Variants in MICU2 observed in about 807,000 individuals in gnomAD.
MICU2 encodes mitochondrial calcium uptake 2, also known as calcium uptake protein 2, mitochondrial.
A neutral mutation model predicts 60.4 loss-of-function variants in MICU2; 64 were observed. The ratio of observed to expected loss-of-function variants is 1.06; its 90% confidence interval spans 0.87 to 1.31. MICU2 has a LOEUF of 1.31. MICU2 is among the 50% of genes most tolerant of loss of function. MICU2 has a pLI of 0.00. For missense variants in MICU2, 569 were observed against 531.0 expected (o/e 1.07, Z -0.70); for synonymous variants, 201 against 175.0 (o/e 1.15, Z -1.17).
chr13:21,543,116 C>A (rs1415371318), intron 2 of MICU2, among the ~76,000 whole-genome samples: 1 of 152,142 alleles, frequency 6.6e-6, no homozygotes, highest in Non-Finnish European at 1.5e-5. Context: ...TACTCTAATA[C>A]ATGCTTTTAT....
chr13:21,497,290 G>A (rs1886024737), intron 9 of MICU2, among the ~76,000 whole-genome samples: 1 of 150,718 alleles, frequency 6.6e-6, no homozygotes. Flanking sequence ...GTTTAAACCC[G>A]TGAGGCGGAG....
At position 21,602,515 on chromosome 13, in the gene MICU2, C is replaced by A. The variant is rs1888846852; in HGVS notation, c.210+1424G>T. Among the ~76,000 whole-genome samples the A allele has an allele frequency of 3.4e-5, 5 of 146,502 alleles. No homozygotes were observed. The South Asian group carries it at 1.0e-3, about 31-fold the overall frequency. Reference sequence around the variant, plus strand: ...CCGGCCTGGGCGACAGAGCGAGACTCCTCTCAAAAAAAACAAAAACAAAAA... The same window carrying A: ...CCGGCCTGGGCGACAGAGCGAGACTACTCTCAAAAAAAACAAAAACAAAAA... On this transcript the variant is annotated intron_variant, in intron 1 of 11. Coordinates refer to ENST00000382374, the MANE Select transcript of MICU2 (RefSeq NM_152726.3).
intron 2 of MICU2, among the ~76,000 whole-genome samples, chr13:21,547,657 C>T (rs1028672254): frequency 2.6e-5 from 4 of 152,010 alleles, no homozygotes; most frequent in Non-Finnish European, 5.9e-5. Context: ...GATGTATTTA[C>T]GAGTCTATTT....
At chr13:21,603,271 G>A (rs1200040) in intron 1 of MICU2, among the ~76,000 whole-genome samples, 35,423 of 152,040 alleles carry the variant, frequency 0.23, 5,032 homozygotes, top group East Asian at 0.65. Flanking sequence ...CGCGCCCGGC[G>A]GACTCTTGTC....
In MICU2 at chr13:21,496,150, A is replaced by C. The variant is rs1048389734; in HGVS notation, c.944T>G (p.Leu315Trp). The C allele has an allele frequency of 6.2e-7, 1 of 1,612,064 alleles. No homozygotes were observed. Among genetic ancestry groups the C allele is most frequent in the Non-Finnish European group, 8.5e-7 (1 of 1,178,548 alleles). Residue 315 changes from leucine (L) to tryptophan (W), a missense_variant, in exon 10 of 12, where the codon TTG becomes TGG. By Grantham distance (61) the Leu-to-Trp change is moderately conservative. Transcript: ENST00000382374. ...EKLSAGESIS[L>W]DEFKSFCHFT... is the part of the protein sequence containing the mutation. ...ATGGCAAAATGACTTGAATTCATCCAAACTAATGCTCTAATAAAGTAAGAG... is the reference window on the plus strand; with the variant it reads ...ATGGCAAAATGACTTGAATTCATCCCAACTAATGCTCTAATAAAGTAAGAG...
At chr13:21,495,454 C>T (rs1213731518) in intron 10 of MICU2, 136 bp from the exon 11 acceptor site, 1 of 815,378 alleles carries the variant, frequency 1.2e-6, no homozygotes, top group East Asian at 2.7e-5. Context: ...AACAAAAATA[C>T]CCATGAAGAA....
chr13:21,550,475 C>G (rs1887529734), intron 2 of MICU2, among the ~76,000 whole-genome samples: 2 of 152,144 alleles, frequency 1.3e-5, no homozygotes, highest in African/African-American at 2.4e-5. Context: ...GAGGTTGAGG[C>G]TGCAGGGAGC....
Position 21,603,926 on chromosome 13 carries a change from G to A in MICU2, c.210+13C>T. The A allele has an allele frequency of 6.2e-6, 10 of 1,611,600 alleles. No individual in the cohort carries two copies. Among genetic ancestry groups the A allele is most frequent in the Non-Finnish European group, 8.5e-6 (10 of 1,179,188 alleles). Reference sequence around the variant, plus strand: ...AGCTTGACTGGGGCTAGCAGAAGGAGTTAGTCCTGTACCTGTGCGGAGACT... The same window carrying A: ...AGCTTGACTGGGGCTAGCAGAAGGAATTAGTCCTGTACCTGTGCGGAGACT... On this transcript the variant is annotated intron_variant, in intron 1 of 11. Coordinates refer to ENST00000382374, the MANE Select transcript of MICU2 (RefSeq NM_152726.3).
rs555856900 is a variant in MICU2, at chr13:21,541,010, T to C, written c.359-1322A>G. On this transcript the variant is annotated intron_variant, in intron 2 of 11. Coordinates refer to ENST00000382374, the MANE Select transcript of MICU2 (RefSeq NM_152726.3). ...GTTACGCCACAAATAGTCATTACCA[T>C]GTACCCTTTTATTTTTAGACAACTA... Among the ~76,000 whole-genome samples, 430 of 152,296 alleles carry C rather than the reference T, an allele frequency of 2.8e-3. 1 individual carries two copies. The highest frequency in any genetic ancestry group is 4.4e-3 in the Admixed American group (68 of 15,308).
intron 1 of MICU2, among the ~76,000 whole-genome samples, chr13:21,575,939 A>G (rs1442619877): frequency 6.6e-6 from 1 of 152,116 alleles, no homozygotes; most frequent in East Asian, 1.9e-4. Flanking sequence ...AACATTATCA[A>G]TTTATTTAAT....
rs745330585 is a variant in MICU2, at chr13:21,539,740, A to C, written c.359-52T>G. 5 of 1,491,946 alleles carry C rather than the reference A, an allele frequency of 3.4e-6. No individual in the cohort carries two copies. In the Admixed American group the frequency reaches 7.3e-5, roughly 22 times the overall value. The allele number at this position is 1,491,946 out of a possible 1,614,324, so 92.4% of individuals were successfully genotyped here. ...GTATCCATATTCTTTGGTAAAACTC[A>C]ACTTGCACTAAGAAAGAAAATTATT... On this transcript the variant is annotated intron_variant, in intron 2 of 11. Transcript: ENST00000382374.
At chr13:21,544,516 G>GA (rs10628955) in intron 2 of MICU2, among the ~76,000 whole-genome samples, 3,947 of 77,340 alleles carry the variant, frequency 0.051, 368 homozygotes, top group African/African-American at 0.16. Flanking sequence ...ATAAACACAT[G>GA]AAAAAAAAAA....
At chr13:21,563,767 T>C (rs1449751199) in intron 2 of MICU2, among the ~76,000 whole-genome samples, 2 of 152,106 alleles carry the variant, frequency 1.3e-5, no homozygotes, top group African/African-American at 4.8e-5. Flanking sequence ...AGCTCACTGA[T>C]TCTTTTCTCA....
intron 4 of MICU2, among the ~76,000 whole-genome samples, chr13:21,538,928 G>T (rs1672393560): frequency 1.3e-5 from 2 of 152,144 alleles, no homozygotes; most frequent in South Asian, 4.2e-4. Flanking sequence ...CATTTGATAA[G>T]TTCCCTTTTT....
chr13:21,530,711 G>A (rs1886972344), intron 4 of MICU2: 2 of 442,374 alleles, frequency 4.5e-6, no homozygotes, highest in Non-Finnish European at 8.1e-6. Flanking sequence ...GGTCGGGGAG[G>A]CTGCACAAGG....
At chr13:21,516,946 A>T (rs981878939) in intron 6 of MICU2, among the ~76,000 whole-genome samples, 7 of 152,192 alleles carry the variant, frequency 4.6e-5, no homozygotes, top group African/African-American at 1.7e-4. Context: ...CTGTTTAGAG[A>T]GATTGCACTA....
intron 1 of MICU2, among the ~76,000 whole-genome samples, chr13:21,588,295 A>G (rs1470609180): frequency 6.6e-6 from 1 of 152,216 alleles, no homozygotes; most frequent in Non-Finnish European, 1.5e-5. Context: ...AAACAAAACA[A>G]TTGTTATGCT....
chr13:21,581,647 C>A (rs573304688), intron 1 of MICU2, among the ~76,000 whole-genome samples: 1 of 151,532 alleles, frequency 6.6e-6, no homozygotes, highest in South Asian at 2.1e-4. Flanking sequence ...AAGTAGTGCA[C>A]GTTAGAATAA....
In MICU2 at chr13:21,496,072, G is replaced by A. The variant is rs1412386930; in HGVS notation, c.1022C>T (p.Ala341Val). 7.4e-6 allele frequency: 12 copies of A among 1,613,578 alleles called. No individual in the cohort carries two copies. The highest frequency in any genetic ancestry group is 9.3e-6 in the Non-Finnish European group (11 of 1,179,710). ...FAIAMQMFSLAHRPVRLAEFK... is the reference protein window; with the variant it reads ...FAIAMQMFSLVHRPVRLAEFK... Reference sequence around the variant, plus strand: ...CTTACCTAGTCTGACAGGACGATGAGCTAAACTGAACATCTGCATGGCAAT... The same window carrying A: ...CTTACCTAGTCTGACAGGACGATGAACTAAACTGAACATCTGCATGGCAAT... Residue 341 changes from alanine to valine, a missense_variant, in exon 10 of 12, where the codon GCT (alanine) becomes GTT (valine). Coordinates refer to ENST00000382374, the MANE Select transcript of MICU2 (RefSeq NM_152726.3).
Sources: allele counts gnomAD v4.1 joint callset (sites outside exome capture counted in the v4.1 genomes callset), GRCh38; gene constraint gnomAD v4.1.1; transcripts MANE v1.5; gene names NCBI Gene and HGNC (gene_info 2026-07-23, HGNC 2026-07-21).